ATP10A: variants seen among roughly 807,000 people sequenced by gnomAD.
ATP10A encodes the protein ATPase phospholipid transporting 10A (putative).
In ATP10A, 111 loss-of-function variants were observed where a neutral mutation model predicts 147.8. The ratio of observed to expected loss-of-function variants is 0.75; its 90% confidence interval spans 0.64 to 0.88. ATP10A has a LOEUF of 0.88. Ranked by LOEUF, ATP10A falls within the 40% of genes least tolerant of loss-of-function variation. ATP10A has a pLI of 0.00. For missense variants in ATP10A, 1,927 were observed against 1,959.0 expected, an observed-to-expected ratio of 0.98 and a Z score of 0.31; for synonymous variants, 875 against 841.6, an observed-to-expected ratio of 1.04 and a Z score of -0.69.
At chr15:25,700,394 G>A (rs1295561659) in intron 13 of ATP10A, among the ~76,000 whole-genome samples, 2 of 152,226 alleles carry the variant, frequency 1.3e-5, no homozygotes, top group African/African-American at 2.4e-5. Flanking sequence ...CACATTTATA[G>A]AAGTGCTGTT....
At chr15:25,675,175 G>T (rs1899111794), downstream of ATP10A, among the ~76,000 whole-genome samples, 1 of 152,132 alleles carries the variant, frequency 6.6e-6, no homozygotes, top group Non-Finnish European at 1.5e-5. Context: ...GGCTCAGAAG[G>T]TGTTGGTTTG....
At chr15:25,705,790 G>A (rs187936079) in intron 12 of ATP10A, among the ~76,000 whole-genome samples, 16 of 152,330 alleles carry the variant, frequency 1.1e-4, no homozygotes, top group African/African-American at 3.4e-4. Context: ...ATCAAAAGGC[G>A]ACGTGAGATT....
At position 25,806,869 on chromosome 15, in the gene ATP10A, C is replaced by T. The variant is rs186539423; in HGVS notation, c.450-25646G>A. 2.3e-3 allele frequency among the ~76,000 whole-genome samples: 349 copies of T among 152,288 alleles called. 3 individuals are homozygous for T. Among genetic ancestry groups the T allele is most frequent in the African/African-American group, 7.8e-3 (326 of 41,568 alleles). On this transcript the variant is annotated intron_variant, in intron 1 of 20. Transcript: ENST00000555815. The stretch of plus-strand genomic sequence containing the variant: ...GCTGTACATTTACTTCTCTTCCTCT[C>T]CACCATAAATGTTGACTTACTTCAA...
rs1223211850 is a variant in ATP10A, at chr15:25,727,240, C to A, written c.767G>T (p.Gly256Val). The A allele has an allele frequency of 6.2e-7, 1 of 1,613,944 alleles. No individual in the cohort carries two copies. The highest frequency in any genetic ancestry group is 1.3e-5 in the African/African-American group (1 of 74,884). ...CAGCAGCAGGTTTTCTTTATACAGC[C>A]CGGCCTTTTTCCCGTTGTCATGTAT... The part of the protein sequence containing the change: ...CIIHDNGKKA[G>V]LYKENLLLRG... The change falls in exon 4 of 21, where the codon GGG becomes GTG. Residue 256 changes from glycine to valine, a missense_variant. By Grantham distance (109) the Gly-to-Val change is moderately radical. Transcript: ENST00000555815.
At chr15:25,774,525 G>A (rs1272617411) in intron 2 of ATP10A, among the ~76,000 whole-genome samples, 2 of 151,246 alleles carry the variant, frequency 1.3e-5, no homozygotes, top group African/African-American at 4.9e-5. Context: ...GCAGTGAGCC[G>A]AGATAGTGCC....
intron 2 of ATP10A, among the ~76,000 whole-genome samples, chr15:25,772,704 G>A (rs1333794581): frequency 6.6e-6 from 1 of 152,184 alleles, no homozygotes; most frequent in African/African-American, 2.4e-5. Context: ...GAACGACCCT[G>A]AAGATCTGGC....
chr15:25,751,924 A>G (rs1202521024), intron 2 of ATP10A, among the ~76,000 whole-genome samples: 1 of 152,212 alleles, frequency 6.6e-6, no homozygotes, highest in East Asian at 1.9e-4. Context: ...GCTCAACATC[A>G]CTAGTCATTA....
chr15:25,772,141 T>G (rs557865221), intron 2 of ATP10A, among the ~76,000 whole-genome samples: 18 of 152,314 alleles, frequency 1.2e-4, no homozygotes, highest in African/African-American at 4.3e-4. Flanking sequence ...GATTGATACT[T>G]CTGCCTCAGT....
intron 1 of ATP10A, among the ~76,000 whole-genome samples, chr15:25,829,066 C>A (rs1892239604): frequency 6.6e-6 from 1 of 152,154 alleles, no homozygotes; most frequent in South Asian, 2.1e-4. Flanking sequence ...TTTGCAAGAA[C>A]CAACGTGGAG....
intron 1 of ATP10A, among the ~76,000 whole-genome samples, chr15:25,793,305 C>T (rs1248609709): frequency 6.6e-6 from 1 of 152,162 alleles, no homozygotes; most frequent in African/African-American, 2.4e-5. Flanking sequence ...GCAATCATAC[C>T]TGCTCTTCCC....
intron 1 of ATP10A, among the ~76,000 whole-genome samples, chr15:25,808,127 T>G (rs1057243232): frequency 2.0e-5 from 3 of 152,256 alleles, no homozygotes; most frequent in Non-Finnish European, 4.4e-5. Flanking sequence ...TTTTGCAATA[T>G]GAAAACAGCA....
At chr15:25,687,880 T>A in intron 15 of ATP10A, 52 bp from the exon 16 acceptor site, 1 of 1,611,606 alleles carries the variant, frequency 6.2e-7, no homozygotes, top group Non-Finnish European at 8.5e-7. Context: ...TGGCGTCAGA[T>A]TTGTCTTCTC....
At chr15:25,700,846 G>A (rs9920401) in intron 13 of ATP10A, among the ~76,000 whole-genome samples, 18,538 of 151,266 alleles carry the variant, frequency 0.12, 1,320 homozygotes, top group South Asian at 0.25. Flanking sequence ...GCTAATTATA[G>A]ATAAATAAAT....
intron 16 of ATP10A, among the ~76,000 whole-genome samples, chr15:25,686,118 C>T (rs10152552): frequency 0.48 from 73,220 of 151,926 alleles, 20,327 homozygotes; most frequent in African/African-American, 0.77. Context: ...ATGTCTGGGA[C>T]CAAACCTATC....
rs774135856 is a variant in ATP10A at position 25,714,475 on chromosome 15, T to TATA, written c.1777-237_1777-235dup. Among the ~76,000 whole-genome samples, 11 of 151,838 alleles carry TATA rather than the reference T, an allele frequency of 7.2e-5. No individual in the cohort carries two copies. In the South Asian group the frequency reaches 2.3e-3, roughly 32 times the overall value. ...ACATGTATCATAAAACTTCTTAAAGTATAATAATAATAATAAAAAAAGAAA... is the reference window on the plus strand; with the variant it reads ...ACATGTATCATAAAACTTCTTAAAGTATAATAATAATAATAATAAAAAAAGAAA... On this transcript the variant is annotated intron_variant, in intron 9 of 20. Coordinates refer to ENST00000555815, the MANE Select transcript of ATP10A (RefSeq NM_024490.4).
chr15:25,845,459 G>A (rs531867589), intron 1 of ATP10A, among the ~76,000 whole-genome samples: 19 of 152,130 alleles, frequency 1.2e-4, no homozygotes, highest in African/African-American at 3.9e-4. Flanking sequence ...ACTCTGCCTC[G>A]AGCTCACAGT....
intron 9 of ATP10A, 93 bp downstream of exon 9, chr15:25,716,637 G>A: frequency 1.6e-6 from 2 of 1,280,262 alleles, no homozygotes; most frequent in Non-Finnish European, 2.1e-6. Flanking sequence ...CTTGCTGCAG[G>A]AAAGGGAAGG....
rs548301173 is a variant in ATP10A at position 25,705,908 on chromosome 15, C to G, written c.2575+2068G>C. 3.9e-3 allele frequency among the ~76,000 whole-genome samples: 587 copies of G among 152,310 alleles called. 3 individuals carry two copies. Among genetic ancestry groups the G allele is most frequent in the South Asian group, 8.9e-3 (43 of 4,824 alleles). On this transcript the variant is annotated intron_variant, in intron 12 of 20. Coordinates refer to ENST00000555815, the MANE Select transcript of ATP10A (RefSeq NM_024490.4). ...CACGGCTGGCACCCATGTGGGCAAC[C>G]CAGGAGTTCCATCGCTGACACATCT...
chr15:25,836,773 G>A (rs1206218015), intron 1 of ATP10A, among the ~76,000 whole-genome samples: 2 of 152,114 alleles, frequency 1.3e-5, no homozygotes, highest in Admixed American at 6.5e-5. Context: ...GGGCACTATC[G>A]TTACTGTCGG....
Sources: allele counts gnomAD v4.1 joint callset (sites outside exome capture counted in the v4.1 genomes callset), GRCh38; gene constraint gnomAD v4.1.1; transcripts MANE v1.5; gene names NCBI Gene and HGNC (gene_info 2026-07-23, HGNC 2026-07-21).